The following TJP1 variants were observed in gnomAD, a reference collection of about 807,000 sequenced individuals.
TJP1 encodes the protein tight junction protein ZO-1.
TJP1 carries 43 observed loss-of-function variants against 194.2 expected under a neutral mutation model. The ratio of observed to expected loss-of-function variants is 0.22; its 90% CI spans 0.17 to 0.29. TJP1 has a LOEUF of 0.29. Among genes scored for constraint, TJP1 ranks in the 10% least tolerant of loss-of-function variants. TJP1 has a pLI of 1.00. For synonymous variants in TJP1, 801 were observed against 779.0 expected, an observed-to-expected ratio of 1.03 and a Z score of -0.47; for missense variants, 1,971 against 2,185.7, an observed-to-expected ratio of 0.90 and a Z score of 1.96.
intron 2 of TJP1, among the ~76,000 whole-genome samples, chr15:29,949,611 T>TCCACCTC (rs1567225616): frequency 4.4e-4 from 10 of 22,602 alleles, no homozygotes; most frequent in African/African-American, 6.2e-4. Context: ...ACCTCCACCT[T>TCCACCTC]CACCACCACC....
intron 8 of TJP1, chr15:29,760,162 T>A (rs1468951132): frequency 1.4e-6 from 1 of 698,956 alleles, no homozygotes; most frequent in African/African-American, 1.8e-5. Context: ...TCATGTGGAC[T>A]GCAGTTAACC....
chr15:29,765,238 T>C (rs2046260789), intron 5 of TJP1, among the ~76,000 whole-genome samples: 3 of 151,982 alleles, frequency 2.0e-5, no homozygotes, highest in Non-Finnish European at 2.9e-5. Flanking sequence ...CCAGAGAGGA[T>C]TGAGGGGTAA....
intron 2 of TJP1, among the ~76,000 whole-genome samples, chr15:29,793,177 C>T (rs139382479): frequency 6.6e-6 from 1 of 152,292 alleles, no homozygotes; most frequent in Non-Finnish European, 1.5e-5. Flanking sequence ...GGCTTCCTTG[C>T]CTTCTTCCAG....
intron 2 of TJP1, among the ~76,000 whole-genome samples, chr15:29,939,838 G>C (rs1235069383): frequency 6.6e-6 from 1 of 152,048 alleles, no homozygotes; most frequent in Non-Finnish European, 1.5e-5. Flanking sequence ...CCAGGAAGTG[G>C]GCCTCCCCAG....
intron 2 of TJP1, among the ~76,000 whole-genome samples, chr15:29,791,842 C>T (rs2048115936): frequency 6.6e-6 from 1 of 152,020 alleles, no homozygotes; most frequent in South Asian, 2.1e-4. Context: ...TTTCATTATA[C>T]TTTCGATTAG....
Position 29,761,676 on chromosome 15 carries a change from C to G in TJP1, c.787G>C (p.Asp263His). ...ACATTCAATAGCGTAGCCCGTTCAT[C>G]TCTTTGAACTACCATTTTTAATTTG... ...KGKLKMVVQR[D>H]ERATLLNVPD... Residue 263 changes from aspartate to histidine, a missense_variant, in exon 7 of 28, where the codon GAT becomes CAT. By Grantham distance (81) the Asp-to-His change is moderately conservative. This residue lies in a region of TJP1 where 245 missense variants were observed against 336.6 expected (regional missense o/e 0.73). Coordinates refer to ENST00000614355, the MANE Select transcript of TJP1 (RefSeq NM_001330239.4). The G allele has an allele frequency of 6.2e-7, 1 of 1,610,820 alleles. No homozygotes were observed. Among genetic ancestry groups the G allele is most frequent in the Non-Finnish European group, 8.5e-7 (1 of 1,177,340 alleles).
intron 2 of TJP1, among the ~76,000 whole-genome samples, chr15:29,786,291 C>T (rs1014915578): frequency 1.3e-5 from 2 of 152,122 alleles, no homozygotes; most frequent in Non-Finnish European, 2.9e-5. Flanking sequence ...TTATTTCCAG[C>T]TTCTTACAGA....
chr15:29,890,094 G>A (rs1000936813), intron 2 of TJP1, among the ~76,000 whole-genome samples: 3 of 151,968 alleles, frequency 2.0e-5, no homozygotes, highest in African/African-American at 4.8e-5. Context: ...GGCATGCCCC[G>A]ATCAGCAAAA....
At chr15:29,836,055 C>T (rs1318082948) in intron 2 of TJP1, among the ~76,000 whole-genome samples, 1 of 152,132 alleles carries the variant, frequency 6.6e-6, no homozygotes, top group Non-Finnish European at 1.5e-5. Context: ...TTCAAGAATA[C>T]ATTTAACTTG....
intron 2 of TJP1, among the ~76,000 whole-genome samples, chr15:29,937,026 G>A (rs554689717): frequency 6.6e-6 from 1 of 152,116 alleles, no homozygotes; most frequent in African/African-American, 2.4e-5. Context: ...TTTAAGTTAT[G>A]GTGAAGTGTT....
intron 20 of TJP1, among the ~76,000 whole-genome samples, chr15:29,719,556 A>G (rs1002384478): frequency 1.3e-5 from 2 of 152,210 alleles, no homozygotes; most frequent in Non-Finnish European, 2.9e-5. Context: ...TAAAAATAAT[A>G]AGCACAAATC....
At chr15:29,834,330 T>G (rs976548206) in intron 2 of TJP1, among the ~76,000 whole-genome samples, 3 of 151,358 alleles carry the variant, frequency 2.0e-5, no homozygotes, top group South Asian at 4.2e-4. Flanking sequence ...CAAGCAATTC[T>G]CTGCCTCAGC....
intron 2 of TJP1, among the ~76,000 whole-genome samples, chr15:29,932,943 G>A (rs1326610484): frequency 6.6e-6 from 1 of 152,046 alleles, no homozygotes; most frequent in African/African-American, 2.4e-5. Context: ...CATTTGAACT[G>A]TTTTTATGAT....
At chr15:29,952,055 A>T (rs1043737933) in intron 2 of TJP1, among the ~76,000 whole-genome samples, 4 of 152,240 alleles carry the variant, frequency 2.6e-5, no homozygotes, top group African/African-American at 9.6e-5. Flanking sequence ...GTGAAATGGA[A>T]CAGCTAGGAA....
At chr15:29,876,179 T>TGGCTTTGAATGCAGCCCAACAC (rs2052691868) in intron 2 of TJP1, among the ~76,000 whole-genome samples, 2 of 152,206 alleles carry the variant, frequency 1.3e-5, no homozygotes, top group African/African-American at 4.8e-5. Context: ...TGGCCCAGGA[T>TGGCTTTGAATGCAGCCCAACAC]GGCTTTGAAT....
At chr15:29,841,090 T>G (rs888134500) in intron 2 of TJP1, among the ~76,000 whole-genome samples, 1 of 152,104 alleles carries the variant, frequency 6.6e-6, no homozygotes, top group Non-Finnish European at 1.5e-5. Context: ...GCATTTCCCA[T>G]GAGCAACAAG....
At chr15:29,737,146 G>T in intron 11 of TJP1, 118 bp downstream of exon 11, 1 of 1,255,004 alleles carries the variant, frequency 8.0e-7, no homozygotes, top group Non-Finnish European at 1.1e-6. Context: ...AGTTTAACTG[G>T]CTCAATGGAG....
intron 2 of TJP1, among the ~76,000 whole-genome samples, chr15:29,846,087 C>T (rs189261482): frequency 3.3e-5 from 5 of 152,280 alleles, no homozygotes; most frequent in East Asian, 1.9e-4. Flanking sequence ...CCTATCTTTG[C>T]GTCTTTCTTC....
At chr15:29,941,817 C>G (rs1030261475) in intron 2 of TJP1, among the ~76,000 whole-genome samples, 4 of 152,024 alleles carry the variant, frequency 2.6e-5, no homozygotes, top group Admixed American at 1.3e-4. Context: ...ATGACAATGG[C>G]GTGCATGCGT....
Sources: gnomAD v4.1 joint callset for allele counts (sites outside exome capture counted in the v4.1 genomes callset) on GRCh38, gnomAD v4.1.1 for gene constraint, gnomAD v4.1.1 regional missense constraint, MANE v1.5 for transcripts, NCBI Gene and HGNC (gene_info 2026-07-23, HGNC 2026-07-21) for gene names.